The following TARBP1 variants were observed in gnomAD, a reference collection of about 807,000 sequenced individuals.
The protein encoded by TARBP1 is tRNA guanosine 2 -O-methyltransferase TARBP1, also known as tRNA (guanosine(18)-2'-O)-methyltransferase TARBP1.
A neutral mutation model predicts 178.6 loss-of-function variants in TARBP1; 144 were observed. The ratio of observed to expected loss-of-function variants is 0.81; its 90% CI spans 0.70 to 0.93. The LOEUF is 0.93. Ranked by LOEUF, TARBP1 falls within the 40% of genes least tolerant of loss-of-function variation. TARBP1 has a pLI of 0.00. For missense variants in TARBP1, 2,067 were observed against 2,011.7 expected (o/e 1.03, Z -0.53); for synonymous variants, 787 against 781.0 (o/e 1.01, Z -0.13).
Position 234,478,205 on chromosome 1 carries a change from G to T in TARBP1, c.899C>A (p.Ala300Asp). Residue 300 changes from alanine to aspartate, a missense_variant, in exon 1 of 30, where the codon GCC becomes GAC. Coordinates refer to ENST00000040877, the MANE Select transcript of TARBP1 (RefSeq NM_005646.4). ...TTCCTGGGGCCCGCAGGTGCAGTCG[G>T]CCCCCAGCTCCGCCGACACCTCCAC... is the stretch of plus-strand genomic sequence containing the variant. ...RAVEVSAELGADCTCGPQEGN... is the reference protein window; with the variant it reads ...RAVEVSAELGDDCTCGPQEGN... 6.2e-7 allele frequency: 1 copy of T among 1,611,754 alleles called. No individual in the cohort carries two copies. The highest frequency in any genetic ancestry group is 1.1e-5 in the South Asian group (1 of 90,944).
chr1:234,453,218 T>A (rs890064889), intron 9 of TARBP1, among the ~76,000 whole-genome samples: 1 of 152,134 alleles, frequency 6.6e-6, no homozygotes, highest in African/African-American at 2.4e-5. Flanking sequence ...GGTCATCAAT[T>A]GTAACAAATG....
intron 9 of TARBP1, among the ~76,000 whole-genome samples, chr1:234,452,300 G>A (rs1026691795): frequency 1.3e-5 from 2 of 152,060 alleles, no homozygotes; most frequent in Admixed American, 6.5e-5. Context: ...CCACAGACTG[G>A]GAGAAAATAT....
Position 234,406,052 on chromosome 1 carries a change from G to A in TARBP1, c.3840C>T (p.Phe1280=). 6.2e-7 allele frequency: 1 copy of A among 1,614,154 alleles called. No individual in the cohort carries two copies. Among genetic ancestry groups the A allele is most frequent in the Non-Finnish European group, 8.5e-7 (1 of 1,180,020 alleles). The change falls in exon 24 of 30, where the codon TTC becomes TTT. Residue 1280 remains phenylalanine, a synonymous_variant. Transcript: ENST00000040877. ...QALIVVLQWC[F]NHNFSVRLYA... is the part of the protein sequence containing the mutation. ...ACAGTCGAACACTAAAATTGTGATTGAAACACCACTGCAGCACAACTATAA... is the reference window on the plus strand; with the variant it reads ...ACAGTCGAACACTAAAATTGTGATTAAAACACCACTGCAGCACAACTATAA...
At chr1:234,458,711 C>T (rs1667543305) in intron 8 of TARBP1, among the ~76,000 whole-genome samples, 2 of 152,118 alleles carry the variant, frequency 1.3e-5, no homozygotes, top group South Asian at 4.1e-4. Flanking sequence ...AATGTCGATA[C>T]AGGGGAAGAT....
At chr1:234,434,243 T>C (rs1432530808) in intron 13 of TARBP1, among the ~76,000 whole-genome samples, 1 of 152,160 alleles carries the variant, frequency 6.6e-6, no homozygotes, top group Non-Finnish European at 1.5e-5. Flanking sequence ...AATATAGAGA[T>C]AGTAATATTT....
Position 234,478,544 on chromosome 1 carries a change from G to A in TARBP1, c.560C>T (p.Ala187Val), listed in dbSNP as rs1669802892. 3 of 1,356,306 alleles carry A rather than the reference G, an allele frequency of 2.2e-6. No individual in the cohort carries two copies. The highest frequency in any genetic ancestry group is 1.5e-5 in the African/African-American group (1 of 64,938). 84.0% of individuals were successfully genotyped at this position (1,356,306 alleles called of 1,614,324 possible). The change falls in exon 1 of 30, where the codon GCG (alanine) becomes GTG (valine). Residue 187 changes from alanine to valine, a missense_variant. Transcript: ENST00000040877. ...CAGTCGCCCGGCCACCAGCGCCGCC[G>A]CGTCCTCGGCAGGCCCGGCCTCATC... is the stretch of plus-strand genomic sequence containing the variant. ...DGDEAGPAEDAAALVAGRLLP... is the reference protein window; with the variant it reads ...DGDEAGPAEDVAALVAGRLLP...
chr1:234,453,335 T>TG (rs1666974050), intron 9 of TARBP1, among the ~76,000 whole-genome samples: 1 of 151,136 alleles, frequency 6.6e-6, no homozygotes, highest in Admixed American at 6.6e-5. Context: ...GTGTGTTTTT[T>TG]TTTTTTTTTA....
intron 24 of TARBP1, among the ~76,000 whole-genome samples, chr1:234,402,175 A>C (rs568652995): frequency 6.6e-6 from 1 of 152,392 alleles, no homozygotes; most frequent in East Asian, 1.9e-4. Context: ...ATGGAATATT[A>C]GGTAGCTGTT....
intron 24 of TARBP1, among the ~76,000 whole-genome samples, chr1:234,402,993 C>G (rs906643110): frequency 1.3e-5 from 2 of 152,140 alleles, no homozygotes; most frequent in African/African-American, 2.4e-5. Context: ...TACCTCAAAG[C>G]CTGTCCATTT....
At chr1:234,448,174 G>A (rs1460979555) in intron 11 of TARBP1, among the ~76,000 whole-genome samples, 1 of 152,168 alleles carries the variant, frequency 6.6e-6, no homozygotes, top group Non-Finnish European at 1.5e-5. Context: ...CCTGACCTCA[G>A]GTGATCTGCC....
At chr1:234,448,816 T>C (rs1198010341) in intron 10 of TARBP1, among the ~76,000 whole-genome samples, 7 of 152,198 alleles carry the variant, frequency 4.6e-5, no homozygotes, top group African/African-American at 1.7e-4. Flanking sequence ...ACCTGGGTGC[T>C]GCAGACCCAG....
chr1:234,451,220 G>A (rs1165693919), intron 9 of TARBP1, among the ~76,000 whole-genome samples: 2 of 152,152 alleles, frequency 1.3e-5, no homozygotes, highest in Non-Finnish European at 2.9e-5. Context: ...CTTTGGTCAC[G>A]TATAATGGTG....
rs1664278221 is a variant in TARBP1, at chr1:234,430,181, C to T, written c.2515G>A (p.Glu839Lys). 1.2e-6 allele frequency: 2 copies of T among 1,614,080 alleles called. No individual in the cohort carries two copies. Among genetic ancestry groups the T allele is most frequent in the Admixed American group, 3.3e-5 (2 of 60,010 alleles). The change falls in exon 15 of 30, where the codon GAA becomes AAA. Residue 839 changes from glutamate to lysine, a missense_variant. Glu to Lys is a moderately conservative substitution (Grantham distance 56, BLOSUM62 1). Coordinates refer to ENST00000040877, the MANE Select transcript of TARBP1 (RefSeq NM_005646.4). ...AGCTGAAGAGAGGAAAGGAAGCTTT[C>T]CAGGGGCCCAGCATGGAGAGAGTCC... ...QLDSLHAGPL[E>K]SFLSSLQLNQ...
In TARBP1 at chr1:234,471,214, A is replaced by T. The variant is rs1342945623; in HGVS notation, c.1073T>A (p.Phe358Tyr). ...ATTTTCCTCTGACACCGCATATTCA[A>T]ACAGATTGTTTAGCTTTGGTAAAAC... ...KPVLPKLNNLFEYAVSEENGC... is the reference protein window; with the variant it reads ...KPVLPKLNNLYEYAVSEENGC... The change falls in exon 3 of 30, where the codon TTT (phenylalanine) becomes TAT (tyrosine). Residue 358 changes from phenylalanine to tyrosine, a missense_variant. Physicochemically the swap from Phe to Tyr is conservative, Grantham distance 22 (BLOSUM62 3). Coordinates refer to ENST00000040877, the MANE Select transcript of TARBP1 (RefSeq NM_005646.4). The T allele has an allele frequency of 1.2e-6, 2 of 1,601,764 alleles. No individual in the cohort carries two copies. Among genetic ancestry groups the T allele is most frequent in the Non-Finnish European group, 1.7e-6 (2 of 1,176,754 alleles).
rs780137290 is a variant in TARBP1 at position 234,479,076 on chromosome 1, G to A, written c.28C>T (p.Leu10Phe). Residue 10 changes from leucine (L) to phenylalanine (F), a missense_variant, in exon 1 of 30, where the codon CTC (leucine) becomes TTC (phenylalanine). Coordinates refer to ENST00000040877, the MANE Select transcript of TARBP1 (RefSeq NM_005646.4). ...GCCCGGGGGTCCCGGCTCTGCGAGA[G>A]CAGCGCTTCCGCGAGCACCCACTCC... MEWVLAEALLSQSRDPRALL... is the reference protein window; with the variant it reads MEWVLAEALFSQSRDPRALL... 10 of 1,539,926 alleles carry A rather than the reference G, an allele frequency of 6.5e-6. No homozygotes were observed. The highest frequency in any genetic ancestry group is 8.6e-6 in the Non-Finnish European group (10 of 1,156,212).
chr1:234,395,052 C>T lies in TARBP1; in HGVS notation c.4244-1215G>A, dbSNP rs148631488. On this transcript the variant is annotated intron_variant, in intron 26 of 29. Transcript: ENST00000040877. The stretch of plus-strand genomic sequence containing the variant: ...CGGCCTGGCCAACATAGCGAAACCC[C>T]ATCTCTACTAAAAATACAAACATTA... Among the ~76,000 whole-genome samples the T allele has an allele frequency of 1.8e-3, 268 of 151,716 alleles. 2 individuals are homozygous for T. The highest frequency in any genetic ancestry group is 6.2e-3 in the African/African-American group (256 of 41,342).
intron 1 of TARBP1, among the ~76,000 whole-genome samples, chr1:234,477,933 G>A (rs955214618): frequency 4.6e-5 from 7 of 152,170 alleles, no homozygotes; most frequent in African/African-American, 1.7e-4. Context: ...TATTCCAGGG[G>A]TGCTGTATTC....
chr1:234,394,632 G>A (rs1659733817), intron 26 of TARBP1, among the ~76,000 whole-genome samples: 1 of 152,234 alleles, frequency 6.6e-6, no homozygotes, highest in South Asian at 2.1e-4. Flanking sequence ...TCGCGGGAAG[G>A]AAGGTAAAAG....
chr1:234,392,643 T>A, intron 28 of TARBP1, 91 bp from the exon 29 acceptor site: 1 of 1,151,896 alleles, frequency 8.7e-7, no homozygotes, highest in Non-Finnish European at 1.2e-6. Context: ...AACCTAAACT[T>A]AACTCTTTAA....
Sources: gnomAD v4.1 joint callset for allele counts (sites outside exome capture counted in the v4.1 genomes callset) on GRCh38, gnomAD v4.1.1 for gene constraint, MANE v1.5 for transcripts, NCBI Gene and HGNC (gene_info 2026-07-23, HGNC 2026-07-21) for gene names.